The following NAV1 variants were observed in gnomAD, a reference collection of about 807,000 sequenced individuals.
NAV1 encodes the protein neuron navigator 1.
Under a neutral mutation model 175.2 loss-of-function variants are expected in NAV1, and 18 were observed. The ratio of observed to expected loss-of-function variants is 0.10; its 90% CI spans 0.07 to 0.15. NAV1 has a LOEUF of 0.15. Among genes scored for constraint, NAV1 ranks in the 10% least tolerant of loss-of-function variants. The pLI is 1.00. For synonymous variants in NAV1, 897 were observed against 978.7 expected, an observed-to-expected ratio of 0.92 and a Z score of 1.56; for missense variants, 1,731 against 2,436.6, an observed-to-expected ratio of 0.71 and a Z score of 6.10.
intron 17 of NAV1, among the ~76,000 whole-genome samples, chr1:201,805,795 T>G (rs916452572): frequency 6.6e-6 from 1 of 151,862 alleles, no homozygotes; most frequent in African/African-American, 2.4e-5. Context: ...TGGTGATGCG[T>G]GCCTGTGGTC....
chr1:201,570,536 G>A (rs1445989559), intron 1 of NAV1, among the ~76,000 whole-genome samples: 1 of 152,232 alleles, frequency 6.6e-6, no homozygotes, highest in African/African-American at 2.4e-5. Flanking sequence ...GGCTGGGTGT[G>A]GTGAAACAAC....
rs1401753553 is a variant in NAV1, at chr1:201,750,986, G to T, written c.1227-29435G>T. On this transcript the variant is annotated intron_variant, in intron 3 of 29. Coordinates refer to ENST00000367296, the Ensembl canonical transcript of NAV1. This position sits in a 1 kb window ranked among gnomAD's most constrained non-coding sequence, Gnocchi z 4.1. ...TTAACTTTCTCTTCTTTTAATTTCA[G>T]TCTTCCTTCTCTTGACTTCTTTAAG... 1.3e-5 allele frequency among the ~76,000 whole-genome samples: 2 copies of T among 152,148 alleles called. No individual in the cohort carries two copies. Among genetic ancestry groups the T allele is most frequent in the Non-Finnish European group, 2.9e-5 (2 of 68,014 alleles).
intron 1 of NAV1, among the ~76,000 whole-genome samples, chr1:201,557,033 C>T (rs942837474): frequency 6.6e-6 from 1 of 152,158 alleles, no homozygotes; most frequent in Non-Finnish European, 1.5e-5. Flanking sequence ...AGGGCCCCCA[C>T]TTAAGGCTTG....
intron 2 of NAV1, among the ~76,000 whole-genome samples, chr1:201,594,044 A>G (rs1275884850): frequency 6.6e-6 from 1 of 150,386 alleles, no homozygotes; most frequent in East Asian, 1.9e-4. Flanking sequence ...GAGAGCCAAG[A>G]AGTCTGGCAG....
At chr1:201,681,249 C>A (rs1670451555) in intron 1 of NAV1, among the ~76,000 whole-genome samples, 1 of 152,196 alleles carries the variant, frequency 6.6e-6, no homozygotes, top group Admixed American at 6.5e-5. Context: ...CTACCCAAAC[C>A]ATCTGCCAGC....
At chr1:201,745,230 G>C (rs1673694457) in intron 3 of NAV1, among the ~76,000 whole-genome samples, 2 of 152,102 alleles carry the variant, frequency 1.3e-5, no homozygotes, top group African/African-American at 4.8e-5. Context: ...TATTGAAAAA[G>C]AAAGAATATC....
chr1:201,791,508 A>T (rs1036165466), intron 13 of NAV1: 1 of 152,238 alleles, frequency 6.6e-6, no homozygotes, highest in South Asian at 2.1e-4. Flanking sequence ...AACAGAGAAC[A>T]TAAGAGCCAT....
intron 1 of NAV1, among the ~76,000 whole-genome samples, chr1:201,710,833 G>T (rs1265302662): frequency 1.3e-5 from 2 of 152,098 alleles, no homozygotes; most frequent in East Asian, 3.8e-4. Flanking sequence ...CATGCAAAGG[G>T]TCTGGCACAC....
intron 3 of NAV1, among the ~76,000 whole-genome samples, chr1:201,728,320 A>C (rs934930829): frequency 6.6e-6 from 1 of 152,078 alleles, no homozygotes; most frequent in African/African-American, 2.4e-5. Context: ...GTCCAGGCGC[A>C]GTGGCTCATG....
chr1:201,810,523 G>A lies in NAV1; in HGVS notation c.4562G>A (p.Gly1521Asp). The A allele has an allele frequency of 6.2e-7, 1 of 1,606,940 alleles. No homozygotes were observed. The highest frequency in any genetic ancestry group is 8.5e-7 in the Non-Finnish European group (1 of 1,176,680). ...CATGCTTTCTGGGGTGGGGGTTCAG[G>A]TCTGAAGGAGAAATGCGTCGACAGC... is the stretch of plus-strand genomic sequence containing the variant. Residue 1521 changes from glycine (G) to aspartate (D), a missense_variant and splice_region_variant, in exon 24 of 30, where the codon GGT becomes GAT. By Grantham distance (94) the Gly-to-Asp change is moderately conservative (BLOSUM62 -1). Coordinates refer to ENST00000367296, the Ensembl canonical transcript of NAV1. The surrounding 1 kb of genome is among the most constrained non-coding windows in gnomAD (Gnocchi z 6.0).
chr1:201,803,546 CCT>C, intron 15 of NAV1, 45 bp from the exon 20 acceptor site: 2 of 1,581,566 alleles, frequency 1.3e-6, no homozygotes, highest in Non-Finnish European at 1.7e-6. Flanking sequence ...AGTCTCACAT[CCT>C]CTCTAAATCT....
At position 201,756,809 on chromosome 1, in the gene NAV1, CTTCTTTCTTTCTTTCTTTCT is replaced by C. The variant is rs534285799; in HGVS notation, c.1227-23555_1227-23536del. On this transcript the variant is annotated intron_variant, in intron 3 of 29. Transcript: ENST00000367296. ...ATGAGCAATTCTCTTTCTTTCTTTC[CTTCTTTCTTTCTTTCTTTCT>C]TTCTTTCTTTCTTTCTTTCTTTCTT... Among the ~76,000 whole-genome samples, 64 of 26,988 alleles carry C rather than the reference CTTCTTTCTTTCTTTCTTTCT, an allele frequency of 2.4e-3. 1 individual carries two copies. Among genetic ancestry groups the C allele is most frequent in the East Asian group, 0.012 (22 of 1,908 alleles). 17.7% of individuals were successfully genotyped at this position (26,988 alleles called of 152,430 possible).
intron 1 of NAV1, among the ~76,000 whole-genome samples, chr1:201,672,230 C>A (rs918824197): frequency 2.0e-5 from 3 of 152,148 alleles, no homozygotes; most frequent in Admixed American, 6.5e-5. Flanking sequence ...TTTTATGAAA[C>A]AATACTATGC....
chr1:201,738,037 G>T (rs1323589089), intron 3 of NAV1, among the ~76,000 whole-genome samples: 1 of 152,106 alleles, frequency 6.6e-6, no homozygotes, highest in Non-Finnish European at 1.5e-5. Context: ...GAACAGGAGA[G>T]CCAGGATAGG....
At chr1:201,613,957 G>A (rs1002666318) in intron 2 of NAV1, among the ~76,000 whole-genome samples, 1 of 151,826 alleles carries the variant, frequency 6.6e-6, no homozygotes, top group Admixed American at 6.6e-5. Flanking sequence ...AGGCCAAGGA[G>A]GTTAAGTAAT....
chr1:201,782,486 A>C lies in NAV1; in HGVS notation c.1974A>C (p.Gly658=). ...ATGTTTCCAACAGTGCAGAGCCAGG[A>C]TTCCTGGCTCCTGGAGCCCGTTCTA... The change falls in exon 6 of 30, where the codon GGA becomes GGC. Residue 658 remains glycine, a synonymous_variant. Transcript: ENST00000367296. This position sits in a 1 kb window ranked among gnomAD's most constrained non-coding sequence, Gnocchi z 5.4. The C allele has an allele frequency of 1.2e-6, 2 of 1,613,498 alleles. No homozygotes were observed. The highest frequency in any genetic ancestry group is 1.7e-6 in the Non-Finnish European group (2 of 1,179,446).
chr1:201,652,910 C>A (rs932668239), intron 1 of NAV1, among the ~76,000 whole-genome samples: 2 of 152,200 alleles, frequency 1.3e-5, no homozygotes, highest in Non-Finnish European at 2.9e-5. Context: ...AACGTCACAG[C>A]TCAGCCTAGC....
At chr1:201,667,126 A>C (rs1367151784) in intron 1 of NAV1, among the ~76,000 whole-genome samples, 2 of 152,198 alleles carry the variant, frequency 1.3e-5, no homozygotes, top group Non-Finnish European at 2.9e-5. Context: ...CTGAGAGATT[A>C]AGTGCAAACT....
At position 201,673,563 on chromosome 1, in the gene NAV1, C is replaced by A. The variant is rs1431649137; in HGVS notation, c.757+24138C>A. Among the ~76,000 whole-genome samples, 3 of 152,224 alleles carry A rather than the reference C, an allele frequency of 2.0e-5. No individual in the cohort carries two copies. The East Asian group carries it at 5.8e-4, about 29-fold the overall frequency. On this transcript the variant is annotated intron_variant, in intron 1 of 29. Coordinates refer to ENST00000367296, the Ensembl canonical transcript of NAV1. ...CATTGGCCATTCTCACCTCCCCATC[C>A]CTCTGCATCCTCAGCTAAGCTCAAT...
Sources: gnomAD v4.1 joint callset for allele counts (sites outside exome capture counted in the v4.1 genomes callset) on GRCh38, gnomAD v4.1.1 for gene constraint, Gnocchi (gnomAD v3.1) non-coding constraint, MANE v1.5 for transcripts, NCBI Gene and HGNC (gene_info 2026-07-23, HGNC 2026-07-21) for gene names.